The following SLC8B1 variants were observed in gnomAD, a reference collection of about 807,000 sequenced individuals.
The protein encoded by SLC8B1 is solute carrier family 8 member B1.
Under a neutral mutation model 63.4 loss-of-function variants are expected in SLC8B1, and 52 were observed. The observed-to-expected ratio is 0.82, with a 90% CI of 0.66 to 1.03. SLC8B1 has a LOEUF of 1.03. Among genes scored for constraint, SLC8B1 ranks in the 50% least tolerant of loss-of-function variants. The pLI is 0.00. For synonymous variants in SLC8B1, 336 were observed against 323.9 expected (o/e 1.04, Z -0.40); for missense variants, 657 against 741.7 (o/e 0.89, Z 1.33).
intron 2 of SLC8B1, among the ~76,000 whole-genome samples, chr12:113,331,958 C>A (rs1220004795): frequency 2.0e-5 from 3 of 152,140 alleles, no homozygotes; most frequent in African/African-American, 7.2e-5. Context: ...CCTCTCTTAG[C>A]ATTCTTCCCC....
At chr12:113,313,154 C>T (rs1447882723) in intron 11 of SLC8B1, among the ~76,000 whole-genome samples, 1 of 152,110 alleles carries the variant, frequency 6.6e-6, no homozygotes, top group Non-Finnish European at 1.5e-5. Context: ...GATCCTACTG[C>T]CTCAGCGTCC....
intron 13 of SLC8B1, chr12:113,306,984 G>A (rs931604710): frequency 3.7e-4 from 79 of 213,050 alleles, no homozygotes; most frequent in Middle Eastern, 1.6e-3. Context: ...GGTAGTGGGC[G>A]CCTGTAATCC....
intron 12 of SLC8B1, among the ~76,000 whole-genome samples, chr12:113,309,889 T>G (rs1314237293): frequency 1.3e-5 from 2 of 152,098 alleles, no homozygotes. Context: ...GAGTGACTTA[T>G]GGGCATGAGG....
At chr12:113,323,798 A>T (rs1032684820) in intron 2 of SLC8B1, among the ~76,000 whole-genome samples, 1 of 152,218 alleles carries the variant, frequency 6.6e-6, no homozygotes, top group African/African-American at 2.4e-5. Flanking sequence ...GTCAAACCAC[A>T]GTTCCACCTC....
In SLC8B1 at chr12:113,299,797, T is replaced by C; in HGVS notation, c.1735A>G (p.Ile579Val). 1 of 1,614,148 alleles carries C rather than the reference T, an allele frequency of 6.2e-7. No individual in the cohort carries two copies. Among genetic ancestry groups the C allele is most frequent in the Non-Finnish European group, 8.5e-7 (1 of 1,180,032 alleles). The stretch of plus-strand genomic sequence containing the variant: ...TTCAGTCACATGCTTTTCAGGTGAA[T>C]CACTCCAAATTCAGTGAGGAGGGCC... ...VVALLTEFGV[I>V]HLKSM Residue 579 changes from isoleucine to valine, a missense_variant, in exon 16 of 16, where the codon ATT (isoleucine) becomes GTT (valine). Physicochemically the swap from Ile to Val is conservative, Grantham distance 29. Coordinates refer to ENST00000680972, the MANE Select transcript of SLC8B1 (RefSeq NM_001358345.2).
intron 2 of SLC8B1, among the ~76,000 whole-genome samples, chr12:113,325,030 G>A (rs1487347638): frequency 2.0e-5 from 3 of 152,086 alleles, no homozygotes; most frequent in African/African-American, 7.2e-5. Context: ...AGCTGTATCT[G>A]TAGCAATTCC....
At chr12:113,302,424 G>A (rs941278536) in intron 15 of SLC8B1, 9 of 286,814 alleles carry the variant, frequency 3.1e-5, no homozygotes, top group Non-Finnish European at 4.9e-5. Context: ...AGAACTGGGA[G>A]AGACTCAATT....
intron 15 of SLC8B1, among the ~76,000 whole-genome samples, chr12:113,301,100 C>T (rs577034876): frequency 9.9e-5 from 15 of 152,148 alleles, no homozygotes; most frequent in African/African-American, 3.6e-4. Context: ...TGCACCACTG[C>T]ACTCCAGCCT....
chr12:113,303,548 T>C (rs1956628954), intron 15 of SLC8B1, among the ~76,000 whole-genome samples: 2 of 152,092 alleles, frequency 1.3e-5, no homozygotes, highest in South Asian at 4.2e-4. Flanking sequence ...ACTCAAGTCC[T>C]CCAGAATAGA....
intron 1 of SLC8B1, 136 bp downstream of exon 1, chr12:113,334,307 C>T (rs1430735044): frequency 1.3e-5 from 2 of 152,132 alleles, no homozygotes; most frequent in Non-Finnish European, 2.9e-5. Context: ...AATCAGGAAA[C>T]CAAACCCCAT....
chr12:113,304,440 A>G, intron 14 of SLC8B1, 55 bp from the exon 15 acceptor site: 1 of 1,509,276 alleles, frequency 6.6e-7, no homozygotes, highest in African/African-American at 1.4e-5. Context: ...ACCCAACCAC[A>G]TAGCCCGTTC....
chr12:113,319,864 A>G (rs1162562358), intron 7 of SLC8B1: 1 of 161,902 alleles, frequency 6.2e-6, no homozygotes, highest in African/African-American at 2.4e-5. Flanking sequence ...ATCATGGGTC[A>G]CTGCAGTCTC....
rs1466528607 is a variant in SLC8B1 at position 113,298,843 on chromosome 12, C to G, written c.*934G>C. On this transcript the variant is annotated 3_prime_UTR_variant, in exon 16 of 16. Coordinates refer to ENST00000680972, the MANE Select transcript of SLC8B1 (RefSeq NM_001358345.2). ...CTTTTCTTTACCAGCATAAGGCAGT[C>G]AGGCAAACCTAAGAGTTGCTTATTT... is the stretch of plus-strand genomic sequence containing the variant. The G allele has an allele frequency of 6.6e-6, 1 of 152,152 alleles. No homozygotes were observed. Among genetic ancestry groups the G allele is most frequent in the Non-Finnish European group, 1.5e-5 (1 of 68,040 alleles). 9.4% of individuals were successfully genotyped at this position (152,152 alleles called of 1,614,324 possible). A position where few individuals can be genotyped will look rare whatever the true frequency, so the allele number is the denominator to read the frequency against.
intron 8 of SLC8B1, among the ~76,000 whole-genome samples, chr12:113,318,552 TTGTG>T (rs1451901642): frequency 2.6e-5 from 4 of 152,070 alleles, no homozygotes; most frequent in Admixed American, 2.6e-4. Flanking sequence ...AGTTGTGTAT[TTGTG>T]TATGTGTGTT....
intron 15 of SLC8B1, among the ~76,000 whole-genome samples, chr12:113,303,137 ACACACGCG>A (rs1435454111): frequency 1.5e-4 from 23 of 148,584 alleles, no homozygotes; most frequent in Admixed American, 9.3e-4. Context: ...ACACACACAC[ACACACGCG>A]CGCGCACAGG....
chr12:113,328,745 CT>C lies in SLC8B1; in HGVS notation c.156+3977del, dbSNP rs557008297. Among the ~76,000 whole-genome samples, 1,107 of 139,654 alleles carry C rather than the reference CT, an allele frequency of 7.9e-3. 10 individuals are homozygous for C. Among genetic ancestry groups the C allele is most frequent in the African/African-American group, 0.02 (768 of 37,850 alleles). The allele number at this position is 139,654 out of a possible 152,430, so 91.6% of individuals were successfully genotyped here. On this transcript the variant is annotated intron_variant, in intron 2 of 15. Transcript: ENST00000680972. ...CCAGCCTAGCTGGCCCTCCCAGTTA[CT>C]TTTTTTTTTTTTTTTCCTTTTTTGA...
chr12:113,321,802 A>G (rs1389006489), intron 2 of SLC8B1, among the ~76,000 whole-genome samples: 1 of 150,980 alleles, frequency 6.6e-6, no homozygotes, highest in Non-Finnish European at 1.5e-5. Flanking sequence ...ATATATTAAT[A>G]TACCTTAATA....
At chr12:113,324,845 A>G (rs2136861570) in intron 2 of SLC8B1, among the ~76,000 whole-genome samples, 1 of 152,176 alleles carries the variant, frequency 6.6e-6, no homozygotes, top group South Asian at 2.1e-4. Flanking sequence ...CTGGAACTAC[A>G]TGCACACAAC....
intron 2 of SLC8B1, among the ~76,000 whole-genome samples, chr12:113,328,084 G>C (rs533076547): frequency 1.3e-5 from 2 of 152,014 alleles, no homozygotes; most frequent in Admixed American, 6.6e-5. Flanking sequence ...CCAGGCTGGA[G>C]TGCAGTGGCG....
Sources: allele counts gnomAD v4.1 joint callset (sites outside exome capture counted in the v4.1 genomes callset), GRCh38; gene constraint gnomAD v4.1.1; transcripts MANE v1.5; gene names NCBI Gene and HGNC (gene_info 2026-07-23, HGNC 2026-07-21).